TDP2: variants seen among roughly 807,000 people sequenced by gnomAD.
TDP2 encodes the protein tyrosyl-DNA phosphodiesterase 2.
TDP2 carries 38 observed loss-of-function variants against 42.8 expected under a neutral mutation model. That is an observed-to-expected ratio of 0.89 (90% CI 0.68 to 1.16). The LOEUF (loss-of-function observed/expected upper bound fraction) is 1.16. Ranked by LOEUF, TDP2 falls within the 50% of genes most tolerant of loss-of-function variation. The pLI, the probability that TDP2 is intolerant of heterozygous loss-of-function variation, is 0.00. For missense variants in TDP2, 439 were observed against 439.3 expected (o/e 1.00, Z 0.01); for synonymous variants, 173 against 150.6 (o/e 1.15, Z -1.09).
intron 4 of TDP2, among the ~76,000 whole-genome samples, chr6:24,655,260 G>A (rs962621901): frequency 6.6e-6 from 1 of 152,152 alleles, no homozygotes; most frequent in Non-Finnish European, 1.5e-5. Flanking sequence ...TGCAAGAACA[G>A]AAAATAGGAG....
intron 1 of TDP2, 26 bp from the exon 2 acceptor site, chr6:24,666,637 A>C: frequency 6.2e-7 from 1 of 1,613,996 alleles, no homozygotes; most frequent in Non-Finnish European, 8.5e-7. Context: ...ACAAGGGATG[A>C]GGTTTGTGCG....
In TDP2 at chr6:24,666,474, T is replaced by A. The variant is rs374968276; in HGVS notation, c.251+52A>T. 3.2e-6 allele frequency: 5 copies of A among 1,578,000 alleles called. No homozygotes were observed. In the African/African-American group the frequency reaches 6.7e-5, roughly 21 times the overall value. ...AGGTCCCAGGACGCGCAGGGCTACCTGGTATCAAACTGCCTCCGTGCGGAC... is the reference window on the plus strand; with the variant it reads ...AGGTCCCAGGACGCGCAGGGCTACCAGGTATCAAACTGCCTCCGTGCGGAC... On this transcript the variant is annotated intron_variant, in intron 2 of 6. Coordinates refer to ENST00000378198, the MANE Select transcript of TDP2 (RefSeq NM_016614.3).
Position 24,651,087 on chromosome 6 carries a change from ACT to A in TDP2, c.808-20_808-19del, listed in dbSNP as rs1433619639. ...CTGGTAACCTGAAAAGAAGAAGAATACTCTCTAAGATACACATAGCCTTTTGC... is the reference window on the plus strand; with the variant it reads ...CTGGTAACCTGAAAAGAAGAAGAATACTCTAAGATACACATAGCCTTTTGC... On this transcript the variant is annotated intron_variant, in intron 6 of 6. Coordinates refer to ENST00000378198, the MANE Select transcript of TDP2 (RefSeq NM_016614.3). The A allele has an allele frequency of 6.3e-7, 1 of 1,596,656 alleles. No individual in the cohort carries two copies.
rs17243548 is a variant in TDP2, at chr6:24,656,766, A to C, written c.517+1046T>G. Among the ~76,000 whole-genome samples, 1,204 of 152,312 alleles carry C rather than the reference A, an allele frequency of 7.9e-3. 21 individuals are homozygous for C. Among genetic ancestry groups the C allele is most frequent in the African/African-American group, 0.027 (1,110 of 41,558 alleles). On this transcript the variant is annotated intron_variant, in intron 4 of 6. Transcript: ENST00000378198. Reference sequence around the variant, plus strand: ...GATACCTATCTTCAGCCAAACTATCAAGAACTACAAAGCTACGACACAGAC... The same window carrying C: ...GATACCTATCTTCAGCCAAACTATCCAGAACTACAAAGCTACGACACAGAC...
Position 24,650,927 on chromosome 6 carries a change from C to T in TDP2, c.950G>A (p.Arg317Gln), listed in dbSNP as rs1777963326. The change falls in exon 7 of 7, where the codon CGA (arginine) becomes CAA (glutamine). Residue 317 changes from arginine (R) to glutamine (Q), a missense_variant. Transcript: ENST00000378198. The part of the protein sequence containing the change: ...ITAACKLRFD[R>Q]IFFRAAAEEG... Reference sequence around the variant, plus strand: ...TTCTGCTGCTGCTCTGAAAAATATTCGATCAAAACGAAGTTTACAAGCAGC... The same window carrying T: ...TTCTGCTGCTGCTCTGAAAAATATTTGATCAAAACGAAGTTTACAAGCAGC... 2.5e-6 allele frequency: 4 copies of T among 1,614,044 alleles called. No individual in the cohort carries two copies. Among genetic ancestry groups the T allele is most frequent in the East Asian group, 4.5e-5 (2 of 44,870 alleles).
chr6:24,666,388 C>T, intron 2 of TDP2, 138 bp downstream of exon 2: 1 of 1,411,194 alleles, frequency 7.1e-7, no homozygotes, highest in Non-Finnish European at 9.8e-7. Context: ...AACGCAAGCC[C>T]TGCTCCTCTG....
chr6:24,659,624 C>T (rs867297579), intron 2 of TDP2, among the ~76,000 whole-genome samples: 90 of 152,258 alleles, frequency 5.9e-4, no homozygotes, highest in African/African-American at 2.0e-3. Context: ...GACTCAGAAA[C>T]GTAGGATTTC....
chr6:24,658,605 G>A lies in TDP2; in HGVS notation c.381C>T (p.Asn127=), dbSNP rs1038965490. 1.9e-6 allele frequency: 3 copies of A among 1,613,718 alleles called. No individual in the cohort carries two copies. The highest frequency in any genetic ancestry group is 1.7e-6 in the Non-Finnish European group (2 of 1,179,846). Residue 127 remains asparagine, a synonymous_variant, in exon 3 of 7, where the codon AAC becomes AAT. Coordinates refer to ENST00000378198, the MANE Select transcript of TDP2 (RefSeq NM_016614.3). The part of the protein sequence containing the change: ...ITWNIDGLDL[N]NLSERARGVC... ...CCCCTCGAGCCCTCTCTGACAGATT[G>A]TTTAGATCTAATCCATCAATATTCC... is the stretch of plus-strand genomic sequence containing the variant.
intron 6 of TDP2, among the ~76,000 whole-genome samples, chr6:24,651,845 CCAA>C (rs1777981378): frequency 1.3e-5 from 2 of 152,212 alleles, no homozygotes; most frequent in South Asian, 4.1e-4. Flanking sequence ...CCTCGGCCTC[CCAA>C]AGTGCTGGGA....
Position 24,650,682 on chromosome 6 carries a change from G to T in TDP2, c.*106C>A. On this transcript the variant is annotated 3_prime_UTR_variant, in exon 7 of 7. Coordinates refer to ENST00000378198, the MANE Select transcript of TDP2 (RefSeq NM_016614.3). The stretch of plus-strand genomic sequence containing the variant: ...ACCATAAATCATAGTTGGTTTTTCT[G>T]TGACAATGATCTAGTACATTATTTC... 8.8e-7 allele frequency: 1 copy of T among 1,130,894 alleles called. No homozygotes were observed. 70.1% of individuals were successfully genotyped at this position (1,130,894 alleles called of 1,614,324 possible).
intron 2 of TDP2, among the ~76,000 whole-genome samples, chr6:24,662,479 G>A (rs910972540): frequency 2.0e-5 from 3 of 151,970 alleles, no homozygotes; most frequent in African/African-American, 4.8e-5. Flanking sequence ...CCTGGCCTAC[G>A]TGCATATCCA....
intron 2 of TDP2, among the ~76,000 whole-genome samples, chr6:24,661,200 T>C (rs1487721596): frequency 1.3e-5 from 2 of 152,222 alleles, no homozygotes; most frequent in African/African-American, 4.8e-5. Flanking sequence ...CAAATGAAGA[T>C]TTTTTTCTAA....
chr6:24,655,505 C>G (rs1056220347), intron 4 of TDP2, among the ~76,000 whole-genome samples: 4 of 152,176 alleles, frequency 2.6e-5, no homozygotes, highest in Non-Finnish European at 4.4e-5. Flanking sequence ...AGTTCAAGGT[C>G]TGGATATGGG....
intron 5 of TDP2, 82 bp from the exon 6 acceptor site, chr6:24,653,235 G>T: frequency 1.5e-6 from 2 of 1,378,216 alleles, no homozygotes; most frequent in Non-Finnish European, 2.0e-6. Flanking sequence ...AGATTGTTCT[G>T]TCAAATGGTA....
chr6:24,653,723 T>A (rs1487940304), intron 5 of TDP2, among the ~76,000 whole-genome samples: 1 of 152,218 alleles, frequency 6.6e-6, no homozygotes, highest in African/African-American at 2.4e-5. Flanking sequence ...TGCTCTTCTA[T>A]AATCAGGAGC....
Position 24,652,231 on chromosome 6 carries a change from C to T in TDP2, c.807+752G>A, listed in dbSNP as rs545018063. 4.6e-5 allele frequency among the ~76,000 whole-genome samples: 7 copies of T among 152,318 alleles called. No individual in the cohort carries two copies. The South Asian group carries it at 1.2e-3, about 27-fold the overall frequency. On this transcript the variant is annotated intron_variant, in intron 6 of 6. Coordinates refer to ENST00000378198, the MANE Select transcript of TDP2 (RefSeq NM_016614.3). ...CATTTTAAGGGTGAATAATATTCCACTGTATACATATAGCACATTTTGTTT... is the reference window on the plus strand; with the variant it reads ...CATTTTAAGGGTGAATAATATTCCATTGTATACATATAGCACATTTTGTTT...
intron 2 of TDP2, 200 bp downstream of exon 2, chr6:24,666,326 T>C (rs1778234736): frequency 2.6e-6 from 4 of 1,515,840 alleles, no homozygotes; most frequent in Admixed American, 4.1e-5. Flanking sequence ...GAAGCGACAG[T>C]CTGGTGCAGT....
rs1349398619 is a variant in TDP2 at position 24,658,564 on chromosome 6, G to C, written c.422C>G (p.Ala141Gly). The change falls in exon 3 of 7, where the codon GCT becomes GGT. Residue 141 changes from alanine to glycine, a missense_variant. Physicochemically the swap from Ala to Gly is moderately conservative, Grantham distance 60. Coordinates refer to ENST00000378198, the MANE Select transcript of TDP2 (RefSeq NM_016614.3). ...ERARGVCSYL[A>G]LYSPDVIFLQ... ...AAATAGAAGTGATAATACTTACAAA[G>C]CTAAGTAGGAACACACCCCTCGAGC... is the stretch of plus-strand genomic sequence containing the variant. 1 of 1,606,974 alleles carries C rather than the reference G, an allele frequency of 6.2e-7. No individual in the cohort carries two copies. The highest frequency in any genetic ancestry group is 1.7e-5 in the Admixed American group (1 of 58,802).
chr6:24,666,644 T>G, intron 1 of TDP2, 33 bp from the exon 2 acceptor site: 1 of 1,614,128 alleles, frequency 6.2e-7, no homozygotes, highest in South Asian at 1.1e-5. Flanking sequence ...ATGAGGTTTG[T>G]GCGCTCCACC....
Sources: allele counts gnomAD v4.1 joint callset (sites outside exome capture counted in the v4.1 genomes callset), GRCh38; gene constraint gnomAD v4.1.1; transcripts MANE v1.5; gene names NCBI Gene and HGNC (gene_info 2026-07-23, HGNC 2026-07-21).